MCU: variants seen among roughly 807,000 people sequenced by gnomAD.
MCU encodes mitochondrial calcium uniporter.
MCU carries 12 observed loss-of-function variants against 45.2 expected under a neutral mutation model. The observed-to-expected ratio is 0.27, with a 90% CI of 0.17 to 0.43. The LOEUF is 0.43. MCU is among the 20% of genes least tolerant of loss of function. MCU has a pLI of 1.00. For missense variants in MCU, 324 were observed against 436.7 expected (o/e 0.74, Z 2.30); for synonymous variants, 160 against 165.1 (o/e 0.97, Z 0.24).
At chr10:72,692,411 C>G (rs1842634349) in intron 1 of MCU, 110 bp downstream of exon 1, 1 of 947,028 alleles carries the variant, frequency 1.1e-6, no homozygotes, top group Non-Finnish European at 1.3e-6. Context: ...AACTCCCGGC[C>G]GCTCCGGAGG....
At position 72,871,488 on chromosome 10, in the gene MCU, G is replaced by C; in HGVS notation, c.769G>C (p.Glu257Gln). 2 of 1,614,170 alleles carry C rather than the reference G, an allele frequency of 1.2e-6. No individual in the cohort carries two copies. The highest frequency in any genetic ancestry group is 1.7e-6 in the Non-Finnish European group (2 of 1,180,028). ...CATTTTGGCCCGGCTTACCTGGTGG[G>C]AATATTCCTGGGACATCATGGAGCC... ...FGILARLTWWEYSWDIMEPVT... is the reference protein window; with the variant it reads ...FGILARLTWWQYSWDIMEPVT... The change falls in exon 6 of 8, where the codon GAA becomes CAA. Residue 257 changes from glutamate (E) to glutamine (Q), a missense_variant. Glu to Gln is a conservative substitution (Grantham distance 29). Coordinates refer to ENST00000373053, the MANE Select transcript of MCU (RefSeq NM_138357.3).
chr10:72,861,544 A>C (rs1366287557), intron 4 of MCU: 1 of 232,902 alleles, frequency 4.3e-6, no homozygotes, highest in Non-Finnish European at 8.6e-6. Context: ...TACGGGTTTC[A>C]CCATATTGGT....
rs1437913470 is a variant in MCU, at chr10:72,748,328, G to A, written c.150+56027G>A. 2.6e-5 allele frequency among the ~76,000 whole-genome samples: 4 copies of A among 152,326 alleles called. No homozygotes were observed. The South Asian group carries it at 6.2e-4, about 24-fold the overall frequency. On this transcript the variant is annotated intron_variant, in intron 1 of 7. Coordinates refer to ENST00000373053, the MANE Select transcript of MCU (RefSeq NM_138357.3). ...CTCCCGAAGTGCTGGGATTACAGGC[G>A]TGTGCCACCGCACCGGCCAACCGTC...
At chr10:72,860,672 T>C (rs1190968388) in intron 4 of MCU, 145 bp downstream of exon 4, 2 of 609,554 alleles carry the variant, frequency 3.3e-6, no homozygotes, top group South Asian at 2.2e-5. Flanking sequence ...ACTATTTCAG[T>C]TGAAGAGCTC....
chr10:72,836,603 G>A (rs1028991453), intron 2 of MCU, among the ~76,000 whole-genome samples: 2 of 152,066 alleles, frequency 1.3e-5, no homozygotes, highest in African/African-American at 2.4e-5. Context: ...AATGCTGATA[G>A]GTTGCCATTA....
intron 1 of MCU, among the ~76,000 whole-genome samples, chr10:72,783,811 T>C (rs959589384): frequency 7.2e-5 from 11 of 152,336 alleles, no homozygotes; most frequent in African/African-American, 2.6e-4. Flanking sequence ...ATTTTCCCCA[T>C]GATTAGCTCC....
chr10:72,834,274 T>A (rs1844922584), intron 1 of MCU, 85 bp from the exon 2 acceptor site: 1 of 885,902 alleles, frequency 1.1e-6, no homozygotes, highest in Admixed American at 2.5e-5. Flanking sequence ...TAAGTAATCA[T>A]ATGTATATAT....
At chr10:72,734,389 AAAT>A (rs1843223017) in intron 1 of MCU, among the ~76,000 whole-genome samples, 1 of 152,212 alleles carries the variant, frequency 6.6e-6, no homozygotes, top group Non-Finnish European at 1.5e-5. Context: ...TTTTGTGTTG[AAAT>A]AATATTTCCT....
In MCU at chr10:72,725,855, G is replaced by A. The variant is rs552831290; in HGVS notation, c.150+33554G>A. On this transcript the variant is annotated intron_variant, in intron 1 of 7. Coordinates refer to ENST00000373053, the MANE Select transcript of MCU (RefSeq NM_138357.3). ...GCCAAGATTGCACCATTGCACTCCA[G>A]CCTAGGCAACAAGAGCGAAACTGTC... 1.9e-3 allele frequency among the ~76,000 whole-genome samples: 284 copies of A among 152,162 alleles called. 1 individual carries two copies. Among genetic ancestry groups the A allele is most frequent in the African/African-American group, 6.4e-3 (267 of 41,508 alleles).
chr10:72,715,594 C>T (rs1014771453), intron 1 of MCU, among the ~76,000 whole-genome samples: 2 of 152,158 alleles, frequency 1.3e-5, no homozygotes, highest in Non-Finnish European at 2.9e-5. Flanking sequence ...TGTAAACCAA[C>T]TGGATTGCAT....
intron 1 of MCU, among the ~76,000 whole-genome samples, chr10:72,805,785 G>A (rs1455453489): frequency 6.6e-6 from 1 of 152,122 alleles, no homozygotes; most frequent in African/African-American, 2.4e-5. Flanking sequence ...CTTTCATAGA[G>A]CAACAGTCTA....
At chr10:72,846,734 C>T (rs1564573157) in intron 2 of MCU, among the ~76,000 whole-genome samples, 6 of 151,996 alleles carry the variant, frequency 3.9e-5, no homozygotes, top group Admixed American at 3.3e-4. Context: ...TGGGAAGGCT[C>T]CTCCCACCCC....
chr10:72,858,642 G>C (rs1022070249), intron 2 of MCU, among the ~76,000 whole-genome samples: 1 of 152,136 alleles, frequency 6.6e-6, no homozygotes, highest in East Asian at 1.9e-4. Context: ...CCAAGAGGGG[G>C]TCCATTCAGT....
intron 1 of MCU, among the ~76,000 whole-genome samples, chr10:72,776,984 G>A (rs892046117): frequency 1.3e-5 from 2 of 152,040 alleles, no homozygotes; most frequent in Non-Finnish European, 2.9e-5. Context: ...GAAATACCTA[G>A]GAGTTAATCT....
chr10:72,805,631 C>CT (rs1371081896), intron 1 of MCU, among the ~76,000 whole-genome samples: 8 of 151,998 alleles, frequency 5.3e-5, no homozygotes, highest in African/African-American at 1.4e-4. Flanking sequence ...AGTTTACCCC[C>CT]TTTTTTTCCC....
chr10:72,830,447 T>C (rs866858730), intron 1 of MCU, among the ~76,000 whole-genome samples: 2 of 152,180 alleles, frequency 1.3e-5, no homozygotes, highest in Non-Finnish European at 1.5e-5. Context: ...TGGTTGGGAT[T>C]TCCTTTTAAG....
chr10:72,692,169 T>C lies in MCU; in HGVS notation c.18T>C (p.Gly6=), dbSNP rs367804495. ...GTTGAGAGATGGCGGCCGCCGCAGG[T>C]AGATCGCTCCTGCTGCTCCTCTCCT... is the stretch of plus-strand genomic sequence containing the variant. MAAAA[G]RSLLLLLSSR... The change falls in exon 1 of 8, where the codon GGT becomes GGC. Residue 6 remains glycine, a synonymous_variant. Transcript: ENST00000373053. 6 of 1,289,178 alleles carry C rather than the reference T, an allele frequency of 4.7e-6. No homozygotes were observed. Among genetic ancestry groups the C allele is most frequent in the Non-Finnish European group, 4.9e-6 (5 of 1,011,344 alleles). The allele number at this position is 1,289,178 out of a possible 1,614,324, so 79.9% of individuals were successfully genotyped here.
Position 72,711,289 on chromosome 10 carries a change from C to T in MCU, c.150+18988C>T, listed in dbSNP as rs964371343. 3.4e-5 allele frequency among the ~76,000 whole-genome samples: 5 copies of T among 147,352 alleles called. No homozygotes were observed. In the East Asian group the frequency reaches 6.0e-4, roughly 18 times the overall value. On this transcript the variant is annotated intron_variant, in intron 1 of 7. Coordinates refer to ENST00000373053, the MANE Select transcript of MCU (RefSeq NM_138357.3). ...AGGCTGGAGTGCAGTGGTGCGATCTCGGCTCGCTGCGATCTCCACTTCCTG... is the reference window on the plus strand; with the variant it reads ...AGGCTGGAGTGCAGTGGTGCGATCTTGGCTCGCTGCGATCTCCACTTCCTG...
At chr10:72,882,408 A>G (rs1199900694) in intron 6 of MCU, among the ~76,000 whole-genome samples, 2 of 152,210 alleles carry the variant, frequency 1.3e-5, no homozygotes, top group African/African-American at 4.8e-5. Context: ...TTCAAAAGCA[A>G]ATGGGAGAAA....
Sources: gnomAD v4.1 joint callset for allele counts (sites outside exome capture counted in the v4.1 genomes callset) on GRCh38, gnomAD v4.1.1 for gene constraint, MANE v1.5 for transcripts, NCBI Gene and HGNC (gene_info 2026-07-23, HGNC 2026-07-21) for gene names.